The following WDR25 variants were observed in gnomAD, a reference collection of about 807,000 sequenced individuals.
WDR25 encodes the protein WD repeat domain 25, also known as WD repeat-containing protein 25.
WDR25 carries 35 observed loss-of-function variants against 47.7 expected under a neutral mutation model. The ratio of observed to expected loss-of-function variants is 0.73; its 90% CI spans 0.56 to 0.97. The LOEUF (loss-of-function observed/expected upper bound fraction) is 0.97. WDR25 is among the 50% of genes least tolerant of loss of function. The pLI is 0.00. For synonymous variants in WDR25, 248 were observed against 278.9 expected (o/e 0.89, Z 1.10); for missense variants, 634 against 704.7 (o/e 0.90, Z 1.14).
In WDR25 at chr14:100,502,583, A is replaced by C. The variant is rs1900963694; in HGVS notation, c.1101+18459A>C. 6.6e-6 allele frequency among the ~76,000 whole-genome samples: 1 copy of C among 152,188 alleles called. No homozygotes were observed. ...GGAGCTGCTCACTTTAGAGTTCTTC[A>C]TTAGGGGTCCTATAGACACTTGCTG... On this transcript the variant is annotated intron_variant, in intron 4 of 6. Coordinates refer to ENST00000402312, the MANE Select transcript of WDR25 (RefSeq NM_001161476.3). This position sits in a 1 kb window ranked among gnomAD's most constrained non-coding sequence, Gnocchi z 4.5.
chr14:100,448,578 A>G (rs781010457), intron 2 of WDR25, among the ~76,000 whole-genome samples: 3 of 152,166 alleles, frequency 2.0e-5, no homozygotes, highest in Non-Finnish European at 4.4e-5. Context: ...TGGCCCAGTT[A>G]CACTATCTCA....
intron 4 of WDR25, among the ~76,000 whole-genome samples, chr14:100,509,210 C>G (rs138843349): frequency 1.3e-5 from 2 of 152,242 alleles, no homozygotes; most frequent in Admixed American, 1.3e-4. Context: ...ACAAGACTTT[C>G]TTTGTAGGTA....
chr14:100,499,816 C>CCAGT lies in WDR25; in HGVS notation c.1101+15694_1101+15697dup, dbSNP rs537780837. ...AAGTTCGCTGTGTTCTGCTTTGCTC[C>CCAGT]CAGTCCTTGCTAATCAGCCCAGCCA... On this transcript the variant is annotated intron_variant, in intron 4 of 6. Transcript: ENST00000402312. The surrounding 1 kb of genome is among the most constrained non-coding windows in gnomAD (Gnocchi z 4.4). Among the ~76,000 whole-genome samples the CCAGT allele has an allele frequency of 5.3e-5, 8 of 152,256 alleles. No homozygotes were observed. In the East Asian group the frequency reaches 1.3e-3, roughly 26 times the overall value.
In WDR25 at chr14:100,392,982, C is replaced by T. The variant is rs557479023; in HGVS notation, c.822+11236C>T. Among the ~76,000 whole-genome samples the T allele has an allele frequency of 1.1e-4, 16 of 152,344 alleles. 2 individuals carry two copies. The South Asian group carries it at 3.1e-3, about 30-fold the overall frequency. On this transcript the variant is annotated intron_variant, in intron 2 of 6. Coordinates refer to ENST00000402312, the MANE Select transcript of WDR25 (RefSeq NM_001161476.3). The surrounding 1 kb of genome is among the most constrained non-coding windows in gnomAD (Gnocchi z 4.2). ...GGATTATACCAATTTGCACTGCCAC[C>T]GCAAAGCTTGCGGTGTTGGTAATAA...
intron 2 of WDR25, among the ~76,000 whole-genome samples, chr14:100,443,034 C>T (rs547712947): frequency 1.0e-3 from 154 of 152,368 alleles, no homozygotes; most frequent in African/African-American, 3.6e-3. Flanking sequence ...CCCAGGCGCT[C>T]GCACACAGGT....
rs1595088314 is a variant in WDR25, at chr14:100,437,603, C to T, written c.823-30418C>T. Reference sequence around the variant, plus strand: ...TGTAGGGATTTGGGATGACATGTGTCCAGCACCCAGACACTTGGGCATTGG... The same window carrying T: ...TGTAGGGATTTGGGATGACATGTGTTCAGCACCCAGACACTTGGGCATTGG... On this transcript the variant is annotated intron_variant, in intron 2 of 6. Transcript: ENST00000402312. 2.6e-5 allele frequency among the ~76,000 whole-genome samples: 4 copies of T among 152,200 alleles called. No individual in the cohort carries two copies. The East Asian group carries it at 7.7e-4, about 29-fold the overall frequency.
rs1896903740 is a variant in WDR25 at position 100,381,647 on chromosome 14, C to T, written c.723C>T (p.His241=). ...CAGTTCCCCGGAAAGTGCTTTTCCA[C>T]CTGAGAGGCCACAGGGGCCCTGTCA... ...ETTVPRKVLF[H]LRGHRGPVNT... The change falls in exon 2 of 7, where the codon CAC becomes CAT. Residue 241 remains histidine, a synonymous_variant. Coordinates refer to ENST00000402312, the MANE Select transcript of WDR25 (RefSeq NM_001161476.3). 1.2e-6 allele frequency: 2 copies of T among 1,614,134 alleles called. No individual in the cohort carries two copies. The highest frequency in any genetic ancestry group is 1.7e-6 in the Non-Finnish European group (2 of 1,180,026).
intron 2 of WDR25, among the ~76,000 whole-genome samples, chr14:100,450,698 G>T (rs758016244): frequency 6.6e-6 from 1 of 152,146 alleles, no homozygotes; most frequent in East Asian, 1.9e-4. Flanking sequence ...AAAAATAAAG[G>T]TATAACATTA....
chr14:100,436,624 CAGG>C (rs1447134247), intron 2 of WDR25, among the ~76,000 whole-genome samples: 5 of 152,136 alleles, frequency 3.3e-5, no homozygotes, highest in Non-Finnish European at 5.9e-5. Flanking sequence ...GCCTCTGAGT[CAGG>C]TGTTCGGTGT....
intron 4 of WDR25, among the ~76,000 whole-genome samples, chr14:100,524,362 C>G (rs1480804714): frequency 6.6e-6 from 1 of 152,138 alleles, no homozygotes; most frequent in African/African-American, 2.4e-5. Flanking sequence ...CGTCATCTTC[C>G]TCATCCTTTC....
At chr14:100,475,175 T>C (rs914956426) in intron 3 of WDR25, among the ~76,000 whole-genome samples, 1 of 152,260 alleles carries the variant, frequency 6.6e-6, no homozygotes, top group African/African-American at 2.4e-5. Flanking sequence ...AAGGGAATCC[T>C]TGTACAATGT....
chr14:100,491,041 A>T (rs75449692), intron 4 of WDR25, among the ~76,000 whole-genome samples: 3,742 of 152,280 alleles, frequency 0.025, 158 homozygotes, highest in African/African-American at 0.076. Context: ...CCATTTCCTC[A>T]TCTGTCAACT....
At chr14:100,408,597 A>C (rs904620188) in intron 2 of WDR25, among the ~76,000 whole-genome samples, 8 of 152,062 alleles carry the variant, frequency 5.3e-5, no homozygotes, top group Non-Finnish European at 1.0e-4. Context: ...GTGAATATTT[A>C]CGCAGGCAGG....
At chr14:100,521,684 T>A (rs1329606778) in intron 4 of WDR25, among the ~76,000 whole-genome samples, 1 of 152,222 alleles carries the variant, frequency 6.6e-6, no homozygotes. Flanking sequence ...TTGTTCCCTG[T>A]TTTTTATTTT....
At chr14:100,420,773 C>A (rs1898003769) in intron 2 of WDR25, among the ~76,000 whole-genome samples, 1 of 152,196 alleles carries the variant, frequency 6.6e-6, no homozygotes, top group Non-Finnish European at 1.5e-5. Context: ...GGAAACCCAA[C>A]TCGAGTGGCT....
At chr14:100,528,759 C>T (rs1303481928) in intron 5 of WDR25, among the ~76,000 whole-genome samples, 1 of 152,334 alleles carries the variant, frequency 6.6e-6, no homozygotes, top group East Asian at 1.9e-4. Context: ...CACAGGGACA[C>T]AGGCAGGTTG....
At chr14:100,474,692 G>A (rs954542819) in intron 3 of WDR25, among the ~76,000 whole-genome samples, 4 of 152,194 alleles carry the variant, frequency 2.6e-5, no homozygotes, top group Admixed American at 1.3e-4. Flanking sequence ...GGAACATTCG[G>A]TCTTGTCCAG....
chr14:100,437,114 A>G lies in WDR25; in HGVS notation c.823-30907A>G, dbSNP rs1898523205. ...ACTTGTGTGTTGAATGCTTGTATGC[A>G]TGTTTGATTATTGTGGCTGAGGGCT... On this transcript the variant is annotated intron_variant, in intron 2 of 6. Transcript: ENST00000402312. 2.0e-5 allele frequency among the ~76,000 whole-genome samples: 3 copies of G among 152,244 alleles called. No individual in the cohort carries two copies. In the South Asian group the frequency reaches 6.2e-4, roughly 32 times the overall value.
At position 100,448,887 on chromosome 14, in the gene WDR25, G is replaced by A. The variant is rs75234680; in HGVS notation, c.823-19134G>A. 1.3e-3 allele frequency among the ~76,000 whole-genome samples: 202 copies of A among 152,144 alleles called. 1 individual carries two copies. Among genetic ancestry groups the A allele is most frequent in the African/African-American group, 4.7e-3 (197 of 41,520 alleles). ...CGGAAGGAGTGTCTCATGGGAGACAGGAGAGAAGAGTAGGAGCCAACCAGG... is the reference window on the plus strand; with the variant it reads ...CGGAAGGAGTGTCTCATGGGAGACAAGAGAGAAGAGTAGGAGCCAACCAGG... On this transcript the variant is annotated intron_variant, in intron 2 of 6. Coordinates refer to ENST00000402312, the MANE Select transcript of WDR25 (RefSeq NM_001161476.3).
Sources: allele counts gnomAD v4.1 joint callset (sites outside exome capture counted in the v4.1 genomes callset), GRCh38; gene constraint gnomAD v4.1.1; non-coding constraint Gnocchi (gnomAD v3.1); transcripts MANE v1.5; gene names NCBI Gene and HGNC (gene_info 2026-07-23, HGNC 2026-07-21).